SEM1: variants seen among roughly 807,000 people sequenced by gnomAD.
The protein encoded by SEM1 is 26S proteasome complex subunit SEM1.
A neutral mutation model predicts 12.7 loss-of-function variants in SEM1; 3 were observed. The ratio of observed to expected loss-of-function variants is 0.24; its 90% confidence interval spans 0.11 to 0.61. The LOEUF (loss-of-function observed/expected upper bound fraction) is 0.61. Ranked by LOEUF, SEM1 falls within the 20% of genes least tolerant of loss-of-function variation. The probability of loss-of-function intolerance (pLI) is 0.88; values close to 1 mark genes in which losing one functional copy is unlikely to be tolerated. For missense variants in SEM1, 59 were observed against 81.3 expected, an observed-to-expected ratio of 0.73 and a Z score of 1.06; for synonymous variants, 30 against 27.8, an observed-to-expected ratio of 1.08 and a Z score of -0.25.
At chr7:96,552,284 G>A (rs1805306589) in intron 2 of SEM1, among the ~76,000 whole-genome samples, 2 of 151,972 alleles carry the variant, frequency 1.3e-5, no homozygotes, top group Admixed American at 6.6e-5. Flanking sequence ...CTGGTGCGCT[G>A]CACCCACTAA....
chr7:96,684,670 C>G (rs1789711085), downstream of SEM1, among the ~76,000 whole-genome samples: 1 of 152,002 alleles, frequency 6.6e-6, no homozygotes, highest in Non-Finnish European at 1.5e-5. Context: ...GAATGTGGGT[C>G]TATTTACTGA....
chr7:96,522,568 GAAA>G (rs765064779), intron 2 of SEM1, among the ~76,000 whole-genome samples: 4 of 127,326 alleles, frequency 3.1e-5, no homozygotes, highest in Admixed American at 8.1e-5. Flanking sequence ...TGCTTTGTGA[GAAA>G]AAAAAAAAAA....
At chr7:96,524,643 T>C (rs992012614) in intron 2 of SEM1, among the ~76,000 whole-genome samples, 2 of 151,968 alleles carry the variant, frequency 1.3e-5, no homozygotes, top group Non-Finnish European at 2.9e-5. Context: ...ATTTAATTAA[T>C]ATATTTAACC....
chr7:96,584,063 CG>C (rs1806518478), intron 2 of SEM1, among the ~76,000 whole-genome samples: 1 of 152,092 alleles, frequency 6.6e-6, no homozygotes, highest in African/African-American at 2.4e-5. Context: ...TTCCTAGTCT[CG>C]ATGGCCTTTA....
exon 2 of SEM1, chr7:96,486,252 A>G (rs1010632356): frequency 5.2e-6 from 8 of 1,536,540 alleles, no homozygotes; most frequent in East Asian, 4.9e-5. Context: ...GGCATCTCCA[A>G]GTTTATCTGT....
intron 2 of SEM1, among the ~76,000 whole-genome samples, chr7:96,632,382 A>C (rs563364857): frequency 5.9e-5 from 9 of 152,232 alleles, no homozygotes; most frequent in African/African-American, 1.7e-4. Flanking sequence ...CCATAAAAAG[A>C]ATGAGTTCAT....
intron 2 of SEM1, among the ~76,000 whole-genome samples, chr7:96,606,436 C>G (rs1807381855): frequency 6.6e-6 from 1 of 152,152 alleles, no homozygotes; most frequent in Non-Finnish European, 1.5e-5. Context: ...GTTGCAGAAG[C>G]TCTTCCCACA....
chr7:96,630,239 C>T (rs147390152), intron 2 of SEM1, among the ~76,000 whole-genome samples: 34 of 152,356 alleles, frequency 2.2e-4, no homozygotes, highest in East Asian at 7.7e-4. Context: ...CCACTCCCCA[C>T]GCAGGTCCAG....
chr7:96,631,935 C>T (rs979260395), intron 2 of SEM1, among the ~76,000 whole-genome samples: 8 of 152,126 alleles, frequency 5.3e-5, no homozygotes, highest in Admixed American at 2.6e-4. Context: ...TTTATACAGC[C>T]AACGGACATA....
chr7:96,574,182 G>A (rs2116004748), intron 2 of SEM1, among the ~76,000 whole-genome samples: 1 of 152,068 alleles, frequency 6.6e-6, no homozygotes, highest in African/African-American at 2.4e-5. Context: ...GAGAACATGT[G>A]GTGTTTGGTT....
At chr7:96,661,491 A>T (rs183686672) in intron 2 of SEM1, among the ~76,000 whole-genome samples, 161 of 152,340 alleles carry the variant, frequency 1.1e-3, no homozygotes, top group African/African-American at 3.8e-3. Context: ...TGAGAGAAAG[A>T]ATAAGGTAAG....
intron 2 of SEM1, among the ~76,000 whole-genome samples, chr7:96,528,320 A>G (rs1351054594): frequency 1.3e-5 from 2 of 151,988 alleles, no homozygotes; most frequent in Admixed American, 6.6e-5. Context: ...CAGCCTCCCA[A>G]GTATCTGGGA....
chr7:96,671,691 G>A (rs1436710177), downstream of SEM1, among the ~76,000 whole-genome samples: 2 of 152,166 alleles, frequency 1.3e-5, no homozygotes, highest in African/African-American at 4.8e-5. Flanking sequence ...AGAGAAGGGA[G>A]GAAAAAGCAT....
intron 2 of SEM1, among the ~76,000 whole-genome samples, chr7:96,595,122 A>G (rs1435753930): frequency 6.6e-6 from 1 of 152,210 alleles, no homozygotes; most frequent in Non-Finnish European, 1.5e-5. Context: ...TGAAGCTTCT[A>G]TATCATGAAG....
intron 2 of SEM1, chr7:96,650,613 C>T (rs2116448051): frequency 1.0e-5 from 7 of 667,070 alleles, no homozygotes; most frequent in South Asian, 8.2e-5. Context: ...AAAGACATTA[C>T]TTAGAATTTA....
At chr7:96,503,567 T>C (rs1221914635) in intron 3 of SEM1, 2 of 152,170 alleles carry the variant, frequency 1.3e-5, no homozygotes, top group East Asian at 1.9e-4. Flanking sequence ...AGCTAATCAA[T>C]GTCCCTGGAA....
intron 2 of SEM1, among the ~76,000 whole-genome samples, chr7:96,517,148 A>G (rs1443224927): frequency 2.0e-5 from 3 of 152,174 alleles, no homozygotes; most frequent in African/African-American, 7.2e-5. Flanking sequence ...GTAATGGTGG[A>G]TACATATCAT....
At chr7:96,632,548 T>C (rs2116343562) in intron 2 of SEM1, among the ~76,000 whole-genome samples, 1 of 152,064 alleles carries the variant, frequency 6.6e-6, no homozygotes, top group South Asian at 2.1e-4. Flanking sequence ...CACTGGGGCC[T>C]GTCAGGGGGT....
At chr7:96,669,565 T>C (rs963982039), downstream of SEM1, among the ~76,000 whole-genome samples, 1 of 152,174 alleles carries the variant, frequency 6.6e-6, no homozygotes, top group African/African-American at 2.4e-5. Flanking sequence ...AGATGCAACT[T>C]GTTGAACCTT....
Sources: gnomAD v4.1 joint callset for allele counts (sites outside exome capture counted in the v4.1 genomes callset) on GRCh38, gnomAD v4.1.1 for gene constraint, MANE v1.5 for transcripts, NCBI Gene and HGNC (gene_info 2026-07-23, HGNC 2026-07-21) for gene names.